Variants in UBTD1 observed in about 807,000 individuals in gnomAD.
UBTD1 encodes the protein ubiquitin domain containing 1, also known as ubiquitin domain-containing protein 1.
UBTD1 carries 19 observed loss-of-function variants against 21.7 expected under a neutral mutation model. The ratio of observed to expected loss-of-function variants is 0.87; its 90% CI spans 0.61 to 1.28. UBTD1 has a LOEUF of 1.28. UBTD1 is among the 50% of genes most tolerant of loss of function. The pLI, the probability that UBTD1 is intolerant of heterozygous loss-of-function variation, is 0.00. For missense variants in UBTD1, 282 were observed against 315.1 expected, an observed-to-expected ratio of 0.89 and a Z score of 0.80; for synonymous variants, 116 against 135.1, an observed-to-expected ratio of 0.86 and a Z score of 0.98.
rs1396725188 is a variant in UBTD1, at chr10:97,499,285, G to A, written c.70+12G>A. ...CCGCAAGCGAGCAGGTAACGATGGG[G>A]AAGGGAGCAGGGCCTCGGGCATCCC... On this transcript the variant is annotated intron_variant, in intron 1 of 2. Transcript: ENST00000370664. 5.8e-6 allele frequency: 9 copies of A among 1,547,966 alleles called. No individual in the cohort carries two copies. The highest frequency in any genetic ancestry group is 7.9e-6 in the Non-Finnish European group (9 of 1,145,504).
At chr10:97,558,283 A>G (rs542945871) in intron 1 of UBTD1, among the ~76,000 whole-genome samples, 27 of 152,208 alleles carry the variant, frequency 1.8e-4, no homozygotes, top group East Asian at 9.6e-4. Flanking sequence ...GCAAACTTCA[A>G]TGGTTATGCG....
intron 1 of UBTD1, among the ~76,000 whole-genome samples, chr10:97,559,219 T>C (rs1401196321): frequency 1.3e-5 from 2 of 152,208 alleles, no homozygotes; most frequent in Non-Finnish European, 2.9e-5. Context: ...GCATGACTTA[T>C]TACTCCAGGC....
At chr10:97,524,534 G>A (rs2040479887) in intron 1 of UBTD1, among the ~76,000 whole-genome samples, 1 of 152,176 alleles carries the variant, frequency 6.6e-6, no homozygotes, top group Non-Finnish European at 1.5e-5. Context: ...GGTTTTTGAG[G>A]ACTACGATGA....
intron 1 of UBTD1, among the ~76,000 whole-genome samples, chr10:97,536,389 G>A (rs963729098): frequency 1.3e-5 from 2 of 152,112 alleles, no homozygotes; most frequent in South Asian, 2.1e-4. Flanking sequence ...GTGGTGGCAC[G>A]GCTGGTCAGA....
Position 97,499,070 on chromosome 10 carries a change from AGC to A in UBTD1, c.-129_-128del. The stretch of plus-strand genomic sequence containing the variant: ...TTTGGCGGAGCCATCGCTGGGGCTG[AGC>A]GCGCCCCCGGGGGGAGATCGGGGAG... On this transcript the variant is annotated 5_prime_UTR_variant, in exon 1 of 3. Coordinates refer to ENST00000370664, the MANE Select transcript of UBTD1 (RefSeq NM_024954.5). The A allele has an allele frequency of 2.0e-6, 2 of 1,019,884 alleles. No individual in the cohort carries two copies. Among genetic ancestry groups the A allele is most frequent in the Non-Finnish European group, 2.8e-6 (2 of 727,010 alleles). 63.2% of individuals were successfully genotyped at this position (1,019,884 alleles called of 1,614,324 possible).
intron 2 of UBTD1, 84 bp downstream of exon 2, chr10:97,568,225 G>A (rs2040727717): frequency 7.1e-6 from 10 of 1,409,954 alleles, no homozygotes; most frequent in Non-Finnish European, 8.9e-6. Flanking sequence ...AGTGTGGAGC[G>A]GTGGGGCAGG....
intron 1 of UBTD1, among the ~76,000 whole-genome samples, chr10:97,544,689 A>T (rs548859730): frequency 2.6e-5 from 4 of 152,322 alleles, no homozygotes; most frequent in African/African-American, 9.6e-5. Context: ...GAGAAAAAAA[A>T]ATGTTATTAA....
At chr10:97,513,612 G>C (rs2040431337) in intron 1 of UBTD1, among the ~76,000 whole-genome samples, 1 of 152,170 alleles carries the variant, frequency 6.6e-6, no homozygotes, top group Admixed American at 6.5e-5. Context: ...AAAGTTATGT[G>C]TGCTCATGTA....
At chr10:97,527,157 G>A (rs1181950673) in intron 1 of UBTD1, among the ~76,000 whole-genome samples, 2 of 89,814 alleles carry the variant, frequency 2.2e-5, no homozygotes, top group African/African-American at 8.8e-5. Context: ...GCAACAAAGC[G>A]AAACTCTTGT....
chr10:97,558,858 C>T (rs1243592492), intron 1 of UBTD1, among the ~76,000 whole-genome samples: 3 of 152,102 alleles, frequency 2.0e-5, no homozygotes, highest in Non-Finnish European at 4.4e-5. Context: ...GGGCTTCTCT[C>T]GTTTTACGAT....
chr10:97,543,235 T>C (rs1388924868), intron 1 of UBTD1, among the ~76,000 whole-genome samples: 1 of 152,222 alleles, frequency 6.6e-6, no homozygotes, highest in Non-Finnish European at 1.5e-5. Context: ...TCCTGCATCC[T>C]GACCAGGCAT....
At chr10:97,526,132 T>C (rs1305044757) in intron 1 of UBTD1, among the ~76,000 whole-genome samples, 1 of 152,134 alleles carries the variant, frequency 6.6e-6, no homozygotes, top group African/African-American at 2.4e-5. Flanking sequence ...TTCGCAGTCA[T>C]TGTGTTTGGG....
Position 97,499,989 on chromosome 10 carries a change from G to A in UBTD1, c.70+716G>A, listed in dbSNP as rs1215829082. ...CGCCTGCCCTGGCATTTCGCCCCGGGAAGAGGTCTGTCGGTCATTTTTCTG... is the reference window on the plus strand; with the variant it reads ...CGCCTGCCCTGGCATTTCGCCCCGGAAAGAGGTCTGTCGGTCATTTTTCTG... On this transcript the variant is annotated intron_variant, in intron 1 of 2. Coordinates refer to ENST00000370664, the MANE Select transcript of UBTD1 (RefSeq NM_024954.5). Among the ~76,000 whole-genome samples, 3 of 152,192 alleles carry A rather than the reference G, an allele frequency of 2.0e-5. No homozygotes were observed. The East Asian group carries it at 5.8e-4, about 29-fold the overall frequency.
chr10:97,529,397 G>C (rs1054027187), intron 1 of UBTD1, among the ~76,000 whole-genome samples: 4 of 152,234 alleles, frequency 2.6e-5, no homozygotes, highest in Non-Finnish European at 4.4e-5. Flanking sequence ...CGGCACTTTG[G>C]GGGGCCAAGG....
chr10:97,524,447 C>G (rs997922090), intron 1 of UBTD1, among the ~76,000 whole-genome samples: 2 of 152,126 alleles, frequency 1.3e-5, no homozygotes, highest in Admixed American at 1.3e-4. Context: ...TCTTCTAGCC[C>G]CCTCTTCCTG....
At position 97,570,466 on chromosome 10, in the gene UBTD1, C is replaced by T; in HGVS notation, c.627C>T (p.Ile209=). The stretch of plus-strand genomic sequence containing the variant: ...GCACACGGCTCCAGGAGACCAAGAT[C>T]CAGAAAGATTTTGTCATCCAGGTCA... ...TDRTRLQETK[I]QKDFVIQVII... is the part of the protein sequence containing the mutation. Residue 209 remains isoleucine, a synonymous_variant, in exon 3 of 3, where the codon ATC becomes ATT. Transcript: ENST00000370664. The surrounding 1 kb of genome is among the most constrained non-coding windows in gnomAD (Gnocchi z 6.6). The T allele has an allele frequency of 3.7e-6, 6 of 1,612,456 alleles. No homozygotes were observed. The highest frequency in any genetic ancestry group is 5.1e-6 in the Non-Finnish European group (6 of 1,179,388).
intron 1 of UBTD1, among the ~76,000 whole-genome samples, chr10:97,531,273 C>A (rs1160438291): frequency 6.7e-6 from 1 of 150,126 alleles, no homozygotes; most frequent in Non-Finnish European, 1.5e-5. Context: ...TGCAGTGGCA[C>A]AATCTCGGCT....
intron 1 of UBTD1, among the ~76,000 whole-genome samples, chr10:97,526,962 A>G (rs758898167): frequency 2.7e-4 from 41 of 152,002 alleles, no homozygotes; most frequent in Non-Finnish European, 5.0e-4. Flanking sequence ...ACCTGAGCTC[A>G]AGAGTTCAAG....
At chr10:97,534,603 A>G (rs919951683) in intron 1 of UBTD1, among the ~76,000 whole-genome samples, 3 of 151,186 alleles carry the variant, frequency 2.0e-5, no homozygotes, top group South Asian at 4.2e-4. Context: ...ACACACACAC[A>G]CACACACACC....
Sources: gnomAD v4.1 joint callset for allele counts (sites outside exome capture counted in the v4.1 genomes callset) on GRCh38, gnomAD v4.1.1 for gene constraint, Gnocchi (gnomAD v3.1) non-coding constraint, MANE v1.5 for transcripts, NCBI Gene and HGNC (gene_info 2026-07-23, HGNC 2026-07-21) for gene names.